The following CHCHD6 variants were observed in gnomAD, a reference collection of about 807,000 sequenced individuals.
CHCHD6 encodes MICOS complex subunit MIC25.
Under a neutral mutation model 32.3 loss-of-function variants are expected in CHCHD6, and 28 were observed. The ratio of observed to expected loss-of-function variants is 0.87; its 90% CI spans 0.64 to 1.19. CHCHD6 has a LOEUF of 1.19. Ranked by LOEUF, CHCHD6 falls within the 50% of genes most tolerant of loss-of-function variation. The pLI is 0.00. For missense variants in CHCHD6, 333 were observed against 307.0 expected (o/e 1.08, Z -0.63); for synonymous variants, 122 against 117.5 (o/e 1.04, Z -0.25).
At chr3:126,833,211 G>A (rs892909680) in intron 4 of CHCHD6, among the ~76,000 whole-genome samples, 1 of 152,162 alleles carries the variant, frequency 6.6e-6, no homozygotes, top group Non-Finnish European at 1.5e-5. Context: ...TGTACTCTAA[G>A]GACTTGTTAG....
chr3:126,924,427 A>G (rs2078295420), intron 6 of CHCHD6, among the ~76,000 whole-genome samples: 1 of 152,228 alleles, frequency 6.6e-6, no homozygotes. Flanking sequence ...TCTCACGTAT[A>G]GCTTGTATAA....
intron 4 of CHCHD6, among the ~76,000 whole-genome samples, chr3:126,788,928 A>G (rs1338433383): frequency 2.0e-5 from 3 of 152,136 alleles, no homozygotes; most frequent in South Asian, 2.1e-4. Context: ...TGTCAATTTT[A>G]GATCTTTCCT....
intron 5 of CHCHD6, among the ~76,000 whole-genome samples, chr3:126,857,920 A>T (rs760223744): frequency 3.3e-5 from 5 of 152,212 alleles, no homozygotes; most frequent in Non-Finnish European, 7.3e-5. Context: ...GAACATGGGT[A>T]TGCCCCAGGA....
intron 1 of CHCHD6, among the ~76,000 whole-genome samples, chr3:126,716,288 G>A (rs1433711237): frequency 1.3e-5 from 2 of 152,096 alleles, no homozygotes; most frequent in East Asian, 1.9e-4. Flanking sequence ...CCTCCCTTCC[G>A]TGCCTTTGCT....
chr3:126,716,850 G>A (rs575286793), intron 1 of CHCHD6, among the ~76,000 whole-genome samples: 13 of 152,188 alleles, frequency 8.5e-5, no homozygotes, highest in Admixed American at 5.9e-4. Context: ...CAGGGGAGTC[G>A]GGGAAATGCG....
rs2078049801 is a variant in CHCHD6, at chr3:126,909,270, C to T, written c.496-5410C>T. ...TTGCACATGCCTTAATGCACTGGTC[C>T]CACGCTGCTCTATAGTTATGGGGGT... is the stretch of plus-strand genomic sequence containing the variant. On this transcript the variant is annotated intron_variant, in intron 5 of 7. Transcript: ENST00000290913. 2.0e-5 allele frequency among the ~76,000 whole-genome samples: 3 copies of T among 152,224 alleles called. No homozygotes were observed. The South Asian group carries it at 6.2e-4, about 31-fold the overall frequency.
intron 2 of CHCHD6, among the ~76,000 whole-genome samples, chr3:126,729,435 C>G (rs759806049): frequency 6.6e-6 from 1 of 152,286 alleles, no homozygotes; most frequent in Non-Finnish European, 1.5e-5. Context: ...GTGCCACATG[C>G]TCTACATTGG....
In CHCHD6 at chr3:126,851,330, T is replaced by C. The variant is rs557545811; in HGVS notation, c.412-1317T>C. ...AAACTTGGGTTCATGTCTTACCCCA[T>C]GTTTTTGAGTGATTCAAACCCATGT... On this transcript the variant is annotated intron_variant, in intron 4 of 7. Transcript: ENST00000290913. Among the ~76,000 whole-genome samples the C allele has an allele frequency of 5.3e-5, 8 of 152,332 alleles. No individual in the cohort carries two copies. In the East Asian group the frequency reaches 1.5e-3, roughly 29 times the overall value.
chr3:126,787,376 C>A (rs1357895312), intron 4 of CHCHD6, among the ~76,000 whole-genome samples: 2 of 152,118 alleles, frequency 1.3e-5, no homozygotes, highest in African/African-American at 4.8e-5. Context: ...TCATTGGTAG[C>A]TTGATGGGGA....
At chr3:126,728,198 G>A (rs1211176208) in intron 2 of CHCHD6, among the ~76,000 whole-genome samples, 1 of 152,198 alleles carries the variant, frequency 6.6e-6, no homozygotes, top group East Asian at 1.9e-4. Context: ...CCTGTGCCCT[G>A]TGCCAAGACA....
chr3:126,738,665 C>T (rs1056732157), intron 4 of CHCHD6, among the ~76,000 whole-genome samples: 1 of 152,158 alleles, frequency 6.6e-6, no homozygotes, highest in Non-Finnish European at 1.5e-5. Context: ...GCCCGCTGTG[C>T]AGTCGTCTGT....
At chr3:126,820,411 T>C (rs1315299660) in intron 4 of CHCHD6, among the ~76,000 whole-genome samples, 2 of 152,176 alleles carry the variant, frequency 1.3e-5, no homozygotes, top group Non-Finnish European at 2.9e-5. Context: ...GAACCGCTAC[T>C]TGGACCTCTG....
At chr3:126,863,422 T>A (rs1576517329) in intron 5 of CHCHD6, among the ~76,000 whole-genome samples, 2 of 120,008 alleles carry the variant, frequency 1.7e-5, no homozygotes, top group Non-Finnish European at 3.5e-5. Context: ...CATCATCACC[T>A]CCTCCTCCTC....
intron 5 of CHCHD6, among the ~76,000 whole-genome samples, chr3:126,882,334 C>G (rs368586734): frequency 6.6e-6 from 1 of 152,114 alleles, no homozygotes; most frequent in Non-Finnish European, 1.5e-5. Context: ...CTACCTTGGC[C>G]GCTGTGTCAG....
intron 5 of CHCHD6, among the ~76,000 whole-genome samples, chr3:126,853,490 G>A (rs1941549752): frequency 6.6e-6 from 1 of 152,176 alleles, no homozygotes; most frequent in Admixed American, 6.5e-5. Flanking sequence ...ATTTGTCATG[G>A]TTTGGAGCTT....
At chr3:126,704,841 G>T (rs9820274) in intron 1 of CHCHD6, among the ~76,000 whole-genome samples, 7,551 of 152,262 alleles carry the variant, frequency 0.05, 307 homozygotes, top group South Asian at 0.2. Flanking sequence ...CATCTGCGGG[G>T]CGCAGGAAGA....
At chr3:126,801,186 A>T (rs1341397981) in intron 4 of CHCHD6, among the ~76,000 whole-genome samples, 1 of 152,200 alleles carries the variant, frequency 6.6e-6, no homozygotes, top group African/African-American at 2.4e-5. Context: ...GGTTCATCTT[A>T]CTAGGGGGTG....
rs1941572263 is a variant in CHCHD6, at chr3:126,854,214, A to G, written c.495+1484A>G. Among the ~76,000 whole-genome samples, 3 of 152,322 alleles carry G rather than the reference A, an allele frequency of 2.0e-5. No individual in the cohort carries two copies. The South Asian group carries it at 6.2e-4, about 32-fold the overall frequency. On this transcript the variant is annotated intron_variant, in intron 5 of 7. Coordinates refer to ENST00000290913, the MANE Select transcript of CHCHD6 (RefSeq NM_032343.3). ...CTTGCTCTTCATTAAGTGAAGTCCA[A>G]ACTCCTTGCATATGCAGGTGTGGGC...
At chr3:126,838,324 C>T (rs1940942203) in intron 4 of CHCHD6, among the ~76,000 whole-genome samples, 1 of 152,156 alleles carries the variant, frequency 6.6e-6, no homozygotes, top group East Asian at 1.9e-4. Context: ...AGTTGCCTCT[C>T]CCTCCTGGCA....
Sources: allele counts gnomAD v4.1 joint callset (sites outside exome capture counted in the v4.1 genomes callset), GRCh38; gene constraint gnomAD v4.1.1; transcripts MANE v1.5; gene names NCBI Gene and HGNC (gene_info 2026-07-23, HGNC 2026-07-21).